The following SGCZ variants were observed in gnomAD, a reference collection of about 807,000 sequenced individuals.
SGCZ encodes sarcoglycan zeta, also known as zeta-sarcoglycan.
In SGCZ, 40 loss-of-function variants were observed where a neutral mutation model predicts 41.3. The ratio of observed to expected loss-of-function variants is 0.97; its 90% confidence interval spans 0.75 to 1.26. The LOEUF is 1.26. SGCZ is among the 50% of genes most tolerant of loss of function. SGCZ has a pLI of 0.00. For synonymous variants in SGCZ, 206 were observed against 137.5 expected, an observed-to-expected ratio of 1.50 and a Z score of -3.49; for missense variants, 552 against 369.8, an observed-to-expected ratio of 1.49 and a Z score of -4.04.
intron 1 of SGCZ, among the ~76,000 whole-genome samples, chr8:14,867,372 T>C (rs1208805666): frequency 1.3e-5 from 2 of 152,116 alleles, no homozygotes; most frequent in South Asian, 2.1e-4. Flanking sequence ...TTTAGGTTGA[T>C]TTCATGTATT....
At chr8:15,212,606 C>T (rs566361669) in intron 1 of SGCZ, among the ~76,000 whole-genome samples, 2 of 151,898 alleles carry the variant, frequency 1.3e-5, no homozygotes, top group Admixed American at 1.3e-4. Flanking sequence ...TGTTATCTGT[C>T]AATGATTTTG....
chr8:14,539,766 A>T (rs371435249), intron 2 of SGCZ, among the ~76,000 whole-genome samples: 4 of 151,916 alleles, frequency 2.6e-5, no homozygotes, highest in Non-Finnish European at 4.4e-5. Context: ...CACATGATTT[A>T]GCTCCTATTT....
chr8:15,077,394 T>C (rs1010726960), intron 1 of SGCZ, among the ~76,000 whole-genome samples: 1 of 152,230 alleles, frequency 6.6e-6, no homozygotes, highest in African/African-American at 2.4e-5. Context: ...GATTTTCTCT[T>C]ATAAACTAAG....
At chr8:14,213,506 TAA>T (rs1476831622) in intron 4 of SGCZ, among the ~76,000 whole-genome samples, 1 of 151,796 alleles carries the variant, frequency 6.6e-6, no homozygotes, top group Admixed American at 6.6e-5. Flanking sequence ...AAAGAAAAAA[TAA>T]GAGAATATGT....
At chr8:14,868,971 C>T (rs893458814) in intron 1 of SGCZ, among the ~76,000 whole-genome samples, 1 of 152,150 alleles carries the variant, frequency 6.6e-6, no homozygotes, top group South Asian at 2.1e-4. Context: ...AAAAAAAGCC[C>T]AGGACCAGAC....
At chr8:14,277,378 C>T (rs554658715) in intron 3 of SGCZ, among the ~76,000 whole-genome samples, 3 of 152,126 alleles carry the variant, frequency 2.0e-5, no homozygotes, top group Admixed American at 2.0e-4. Context: ...ACTTCAAATG[C>T]CAGTTCAAAT....
At chr8:14,235,353 G>A (rs992482256) in intron 4 of SGCZ, among the ~76,000 whole-genome samples, 4 of 152,174 alleles carry the variant, frequency 2.6e-5, no homozygotes, top group African/African-American at 9.7e-5. Context: ...GTAAGCCTCA[G>A]TAGAATAAAT....
intron 2 of SGCZ, among the ~76,000 whole-genome samples, chr8:14,544,074 T>TA (rs1019386372): frequency 2.0e-5 from 3 of 152,062 alleles, no homozygotes; most frequent in African/African-American, 7.2e-5. Flanking sequence ...CCAGAAATAT[T>TA]AAAAAACACT....
intron 1 of SGCZ, among the ~76,000 whole-genome samples, chr8:14,933,880 A>G (rs1800001673): frequency 6.6e-6 from 1 of 152,042 alleles, no homozygotes; most frequent in African/African-American, 2.4e-5. Context: ...TTTATTTTTC[A>G]ATGGATGGGT....
intron 2 of SGCZ, among the ~76,000 whole-genome samples, chr8:14,528,212 T>C (rs562311508): frequency 5.3e-5 from 8 of 152,256 alleles, no homozygotes; most frequent in Non-Finnish European, 1.2e-4. Flanking sequence ...GAAGAATCCA[T>C]TGTAAATGCA....
At chr8:15,235,505 A>G (rs1357738225) in intron 1 of SGCZ, among the ~76,000 whole-genome samples, 2 of 152,048 alleles carry the variant, frequency 1.3e-5, no homozygotes, top group Non-Finnish European at 2.9e-5. Context: ...CTCATGCCCA[A>G]ACCTTTCCAG....
intron 1 of SGCZ, among the ~76,000 whole-genome samples, chr8:14,730,398 A>G (rs1810198338): frequency 6.6e-6 from 1 of 152,184 alleles, no homozygotes; most frequent in African/African-American, 2.4e-5. Context: ...AGCAAAAATC[A>G]GTAAAATCGA....
chr8:14,216,751 T>C (rs759947504), intron 4 of SGCZ, among the ~76,000 whole-genome samples: 35 of 152,056 alleles, frequency 2.3e-4, no homozygotes, highest in Non-Finnish European at 4.1e-4. Flanking sequence ...AACAAAAACC[T>C]ACACCTGTCA....
At chr8:15,111,898 C>A (rs62499775) in intron 1 of SGCZ, among the ~76,000 whole-genome samples, 1 of 110,574 alleles carries the variant, frequency 9.0e-6, no homozygotes. Context: ...GACTCCGTCT[C>A]CCAAAAAAAA....
At chr8:14,374,727 T>C (rs907266593) in intron 2 of SGCZ, among the ~76,000 whole-genome samples, 12 of 152,148 alleles carry the variant, frequency 7.9e-5, no homozygotes, top group Non-Finnish European at 1.8e-4. Context: ...AATTGGTCTT[T>C]TTCTAATGGA....
At chr8:14,648,816 T>C (rs1807306921) in intron 1 of SGCZ, among the ~76,000 whole-genome samples, 1 of 151,994 alleles carries the variant, frequency 6.6e-6, no homozygotes, top group African/African-American at 2.4e-5. Flanking sequence ...ATATTTCGAG[T>C]GATTATATTT....
rs115895063 is a variant in SGCZ, at chr8:14,596,252, G to C, written c.40-41326C>G. 3.6e-3 allele frequency among the ~76,000 whole-genome samples: 552 copies of C among 152,250 alleles called. 5 individuals carry two copies. The highest frequency in any genetic ancestry group is 0.013 in the African/African-American group (527 of 41,534). On this transcript the variant is annotated intron_variant, in intron 1 of 7. Coordinates refer to ENST00000382080, the MANE Select transcript of SGCZ (RefSeq NM_139167.4). ...ATATTTTACAAAGCTTCTCCAATTA[G>C]GTTATGGCAAAACTAGAAGGTTGTG... is the stretch of plus-strand genomic sequence containing the variant.
At chr8:14,216,418 G>A (rs568443144) in intron 4 of SGCZ, among the ~76,000 whole-genome samples, 7 of 143,250 alleles carry the variant, frequency 4.9e-5, no homozygotes, top group Admixed American at 2.8e-4. Context: ...AGCGTTACTC[G>A]GATAACAAAT....
At chr8:14,113,201 A>G (rs1802425881) in intron 5 of SGCZ, among the ~76,000 whole-genome samples, 1 of 152,084 alleles carries the variant, frequency 6.6e-6, no homozygotes, top group African/African-American at 2.4e-5. Context: ...TTTGCCCAGC[A>G]TTCAATACTC....
Sources: gnomAD v4.1 joint callset for allele counts (sites outside exome capture counted in the v4.1 genomes callset) on GRCh38, gnomAD v4.1.1 for gene constraint, MANE v1.5 for transcripts, NCBI Gene and HGNC (gene_info 2026-07-23, HGNC 2026-07-21) for gene names.